GPR146: variants seen among roughly 807,000 people sequenced by gnomAD.
GPR146 encodes the protein G protein-coupled receptor 146.
For missense variants in GPR146, 381 were observed against 213.9 expected, an observed-to-expected ratio of 1.78 and a Z score of -4.87; for synonymous variants, 203 against 104.3, an observed-to-expected ratio of 1.95 and a Z score of -5.77.
At chr7:1,048,678 A>G (rs1341855716) in intron 1 of GPR146, among the ~76,000 whole-genome samples, 2 of 152,212 alleles carry the variant, frequency 1.3e-5, no homozygotes, top group East Asian at 1.9e-4. Context: ...TAAATAAGAC[A>G]TAGGAAGAAA....
At chr7:1,053,058 C>T (rs943573714) in intron 1 of GPR146, among the ~76,000 whole-genome samples, 26 of 152,190 alleles carry the variant, frequency 1.7e-4, no homozygotes, top group African/African-American at 6.0e-4. Context: ...GAAGGCACAG[C>T]GGGCCTGCCC....
rs924993151 is a variant in GPR146, at chr7:1,052,390, G to C, written c.-24-5102G>C. 6.6e-6 allele frequency among the ~76,000 whole-genome samples: 1 copy of C among 152,232 alleles called. No homozygotes were observed. The highest frequency in any genetic ancestry group is 1.5e-5 in the Non-Finnish European group (1 of 68,038). On this transcript the variant is annotated intron_variant, in intron 1 of 1. Coordinates refer to ENST00000444847, the MANE Select transcript of GPR146 (RefSeq NM_001303473.2). This position sits in a 1 kb window ranked among gnomAD's most constrained non-coding sequence, Gnocchi z 4.2. ...CTGGCACCGACGTGGGCCTGGGGAG[G>C]GACCTGTGTGTGGGTGGCAGGTCTT...
rs1003098261 is a variant in GPR146, at chr7:1,052,069, C to T, written c.-24-5423C>T. 6.6e-6 allele frequency among the ~76,000 whole-genome samples: 1 copy of T among 152,266 alleles called. No homozygotes were observed. The highest frequency in any genetic ancestry group is 1.5e-5 in the Non-Finnish European group (1 of 68,052). ...TATAGGGAAAATAAAACGATTGAAA[C>T]TGGGCCATCTTGGACAGCTGAGGCC... On this transcript the variant is annotated intron_variant, in intron 1 of 1. Transcript: ENST00000444847. This position sits in a 1 kb window ranked among gnomAD's most constrained non-coding sequence, Gnocchi z 4.2.
rs551133363 is a variant in GPR146 at position 1,053,279 on chromosome 7, C to T, written c.-24-4213C>T. On this transcript the variant is annotated intron_variant, in intron 1 of 1. Transcript: ENST00000444847. The stretch of plus-strand genomic sequence containing the variant: ...GGCAGGCACATGGGGCCCAGGCCAT[C>T]CCCCTCACTCGGACGCAGGTGTGGC... Among the ~76,000 whole-genome samples, 5 of 152,390 alleles carry T rather than the reference C, an allele frequency of 3.3e-5. No homozygotes were observed. The South Asian group carries it at 1.0e-3, about 32-fold the overall frequency.
chr7:1,058,370 CT>C lies in GPR146; in HGVS notation c.857del (p.Phe286SerfsTer6), dbSNP rs746418360. The C allele has an allele frequency of 1.3e-5, 10 of 780,238 alleles. No individual in the cohort carries two copies. In the East Asian group the frequency reaches 2.4e-4, roughly 19 times the overall value. 48.3% of individuals were successfully genotyped at this position (780,238 alleles called of 1,614,324 possible). A position where few individuals can be genotyped will look rare whatever the true frequency, so the allele number is the denominator to read the frequency against. On this transcript the variant is annotated frameshift_variant, in exon 2 of 2. Coordinates refer to ENST00000444847, the MANE Select transcript of GPR146 (RefSeq NM_001303473.2). LOFTEE classifies it low-confidence loss of function (END_TRUNC). ...TGAAGGATTTCTCCAAACTCCTGGCCTTCTCCAGCAGCTTTGTGACACCACT... is the reference window on the plus strand; with the variant it reads ...TGAAGGATTTCTCCAAACTCCTGGCCTCTCCAGCAGCTTTGTGACACCACT... ...FVKDFSKLLA[F>X]SSSFVTPLLY... is the part of the protein sequence containing the mutation.
Position 1,057,177 on chromosome 7 carries a change from C to A in GPR146, c.-24-315C>A, listed in dbSNP as rs1174886407. Reference sequence around the variant, plus strand: ...CACTGTGCGGGGCCCGTCCAACCAACTCAGGACGACCACCCAGGCCTCGCA... The same window carrying A: ...CACTGTGCGGGGCCCGTCCAACCAAATCAGGACGACCACCCAGGCCTCGCA... On this transcript the variant is annotated intron_variant, in intron 1 of 1. Coordinates refer to ENST00000444847, the MANE Select transcript of GPR146 (RefSeq NM_001303473.2). Among the ~76,000 whole-genome samples, 4 of 152,284 alleles carry A rather than the reference C, an allele frequency of 2.6e-5. No individual in the cohort carries two copies. In the East Asian group the frequency reaches 7.7e-4, roughly 29 times the overall value.
intron 1 of GPR146, among the ~76,000 whole-genome samples, chr7:1,049,567 G>T (rs1782900712): frequency 1.3e-5 from 2 of 152,178 alleles, no homozygotes; most frequent in African/African-American, 4.8e-5. Flanking sequence ...TAGGAAGACG[G>T]AGGGCGAGGG....
intron 1 of GPR146, among the ~76,000 whole-genome samples, chr7:1,055,905 G>C (rs1179015542): frequency 6.6e-6 from 1 of 152,216 alleles, no homozygotes; most frequent in African/African-American, 2.4e-5. Context: ...CTCAAGTGGA[G>C]TCTGGGGGGT....
chr7:1,058,834 A>T lies in GPR146; in HGVS notation c.*317A>T, dbSNP rs943581483. On this transcript the variant is annotated 3_prime_UTR_variant, in exon 2 of 2. Coordinates refer to ENST00000444847, the MANE Select transcript of GPR146 (RefSeq NM_001303473.2). The stretch of plus-strand genomic sequence containing the variant: ...TGTCAATGAAGTGATGAAAGCTTAG[A>T]GCCAGTATTTATACTTTGTGGTTAA... 5 of 367,044 alleles carry T rather than the reference A, an allele frequency of 1.4e-5. No individual in the cohort carries two copies. Among genetic ancestry groups the T allele is most frequent in the African/African-American group, 2.0e-5 (1 of 49,108 alleles). 22.7% of individuals were successfully genotyped at this position (367,044 alleles called of 1,614,324 possible).
intron 1 of GPR146, among the ~76,000 whole-genome samples, chr7:1,051,596 A>G (rs537041333): frequency 6.6e-6 from 1 of 152,378 alleles, no homozygotes; most frequent in African/African-American, 2.4e-5. Flanking sequence ...GACTGGTCAG[A>G]TATCTCCCGC....
At chr7:1,050,981 G>A (rs892199310) in intron 1 of GPR146, among the ~76,000 whole-genome samples, 7 of 152,252 alleles carry the variant, frequency 4.6e-5, no homozygotes, top group African/African-American at 7.2e-5. Context: ...GGGATGGACA[G>A]ATTGGCTGAG....
chr7:1,053,801 TG>T (rs1783425762), intron 1 of GPR146, among the ~76,000 whole-genome samples: 4 of 152,188 alleles, frequency 2.6e-5, no homozygotes, highest in South Asian at 2.1e-4. Flanking sequence ...CACTCCAGCC[TG>T]GGCAACAGAG....
In GPR146 at chr7:1,053,359, C is replaced by A. The variant is rs1328861325; in HGVS notation, c.-24-4133C>A. ...GCCCAGAACCTTGCGCAGGACAGGACCCCGGCTAATGTGCCCGGAACAGCT... is the reference window on the plus strand; with the variant it reads ...GCCCAGAACCTTGCGCAGGACAGGAACCCGGCTAATGTGCCCGGAACAGCT... On this transcript the variant is annotated intron_variant, in intron 1 of 1. Transcript: ENST00000444847. Among the ~76,000 whole-genome samples the A allele has an allele frequency of 5.9e-5, 9 of 152,338 alleles. No individual in the cohort carries two copies. The South Asian group carries it at 1.9e-3, about 32-fold the overall frequency.
At chr7:1,053,279 C>A (rs551133363) in intron 1 of GPR146, among the ~76,000 whole-genome samples, 10 of 152,272 alleles carry the variant, frequency 6.6e-5, no homozygotes, top group African/African-American at 2.2e-4. Flanking sequence ...CCCAGGCCAT[C>A]CCCCTCACTC....
intron 1 of GPR146, chr7:1,055,611 A>G (rs1265301091): frequency 5.6e-6 from 2 of 354,458 alleles, no homozygotes; most frequent in South Asian, 2.1e-5. Context: ...GGTTCTGTAC[A>G]GTGCCACCGG....
chr7:1,054,046 T>G (rs1456134405), intron 1 of GPR146, among the ~76,000 whole-genome samples: 7 of 152,114 alleles, frequency 4.6e-5, no homozygotes, highest in African/African-American at 1.7e-4. Context: ...TGACCTGCCT[T>G]CCTTCCATGC....
chr7:1,057,469 C>G lies in GPR146; in HGVS notation c.-24-23C>G, dbSNP rs1361446302. The G allele has an allele frequency of 9.8e-6, 7 of 715,086 alleles. No homozygotes were observed. In the African/African-American group the frequency reaches 1.2e-4, roughly 12 times the overall value. 44.3% of individuals were successfully genotyped at this position (715,086 alleles called of 1,614,324 possible). ...GGCTTTGGGACGGGACGCGAGCTGA[C>G]CACCTGTTCCTTCTTTCCGCAGGGT... On this transcript the variant is annotated intron_variant, in intron 1 of 1. Coordinates refer to ENST00000444847, the MANE Select transcript of GPR146 (RefSeq NM_001303473.2).
intron 1 of GPR146, among the ~76,000 whole-genome samples, chr7:1,048,574 T>G (rs1782800023): frequency 6.6e-6 from 1 of 152,200 alleles, no homozygotes; most frequent in Non-Finnish European, 1.5e-5. Flanking sequence ...TGGGAAACCC[T>G]ATCAAAGTTA....
In GPR146 at chr7:1,057,946, C is replaced by T. The variant is rs73267959; in HGVS notation, c.431C>T (p.Thr144Met). The change falls in exon 2 of 2, where the codon ACG becomes ATG. Residue 144 changes from threonine (T) to methionine (M), a missense_variant. Transcript: ENST00000444847. The part of the protein sequence containing the change: ...PRTYMASVYN[T>M]RHVCGFVWGG... ...ACCTACATGGCCAGCGTGTACAACA[C>T]GCGGCACGTGTGCGGCTTCGTGTGG... 14 of 773,206 alleles carry T rather than the reference C, an allele frequency of 1.8e-5. No individual in the cohort carries two copies. The highest frequency in any genetic ancestry group is 1.7e-4 in the African/African-American group (10 of 59,278). The allele number at this position is 773,206 out of a possible 1,614,324, so 47.9% of individuals were successfully genotyped here. A position where few individuals can be genotyped will look rare whatever the true frequency, so the allele number is the denominator to read the frequency against.
Sources: allele counts gnomAD v4.1 joint callset (sites outside exome capture counted in the v4.1 genomes callset), GRCh38; gene constraint gnomAD v4.1.1; non-coding constraint Gnocchi (gnomAD v3.1); transcripts MANE v1.5; gene names NCBI Gene and HGNC (gene_info 2026-07-23, HGNC 2026-07-21).